The following CATSPER3 variants were observed in gnomAD, a reference collection of about 807,000 sequenced individuals.
CATSPER3 encodes the protein cation channel sperm associated 3.
CATSPER3 carries 23 observed loss-of-function variants against 36.6 expected under a neutral mutation model. The observed-to-expected ratio is 0.63, with a 90% CI of 0.45 to 0.89. The LOEUF (loss-of-function observed/expected upper bound fraction) is 0.89, where lower values mean the gene tolerates loss of function less well. CATSPER3 is among the 40% of genes least tolerant of loss of function. The pLI is 0.00. For missense variants in CATSPER3, 474 were observed against 503.9 expected, an observed-to-expected ratio of 0.94 and a Z score of 0.57; for synonymous variants, 172 against 184.1, an observed-to-expected ratio of 0.93 and a Z score of 0.53.
At chr5:134,985,166 G>C (rs1316750419) in intron 2 of CATSPER3, among the ~76,000 whole-genome samples, 1 of 152,018 alleles carries the variant, frequency 6.6e-6, no homozygotes, top group African/African-American at 2.4e-5. Context: ...TAAAGAATTG[G>C]TATCAACCTA....
intron 2 of CATSPER3, among the ~76,000 whole-genome samples, chr5:134,979,773 G>A (rs1407125277): frequency 6.6e-6 from 1 of 152,162 alleles, no homozygotes; most frequent in Non-Finnish European, 1.5e-5. Context: ...AAGACCTAAG[G>A]TCTCAAGATT....
chr5:134,968,591 T>A (rs1751562565), intron 1 of CATSPER3: 3 of 160,396 alleles, frequency 1.9e-5, no homozygotes, highest in Admixed American at 6.0e-5. Context: ...CTCAGGATGC[T>A]GAGGCAGGAG....
At chr5:135,010,565 G>A in intron 7 of CATSPER3, 35 bp downstream of exon 7, 1 of 1,606,794 alleles carries the variant, frequency 6.2e-7, no homozygotes, top group South Asian at 1.1e-5. Flanking sequence ...TGGTCCCTAG[G>A]GCTTCCTCGA....
chr5:135,011,523 T>C lies in CATSPER3; in HGVS notation c.1097T>C (p.Leu366Pro). 6.2e-7 allele frequency: 1 copy of C among 1,612,950 alleles called. No individual in the cohort carries two copies. The highest frequency in any genetic ancestry group is 8.5e-7 in the Non-Finnish European group (1 of 1,179,114). ...LDYQDTTVHK[L>P]QELYYEIVHV... ...TCTCCTCCTGCTCCATTTTTCAGGC[T>C]TCAAGAGCTGTACTATGAGATCGTG... is the stretch of plus-strand genomic sequence containing the variant. Residue 366 changes from leucine (L) to proline (P), a missense_variant and splice_region_variant, in exon 8 of 8, where the codon CTT (leucine) becomes CCT (proline). Transcript: ENST00000282611.
At chr5:134,979,625 C>T in intron 2 of CATSPER3, among the ~76,000 whole-genome samples, 1 of 152,134 alleles carries the variant, frequency 6.6e-6, no homozygotes, top group East Asian at 1.9e-4. Context: ...AAAGTTAAAG[C>T]AAACAACGGA....
At chr5:135,011,468 C>T (rs1192481151) in intron 7 of CATSPER3, 53 bp from the exon 8 acceptor site, 1 of 1,370,038 alleles carries the variant, frequency 7.3e-7, no homozygotes, top group East Asian at 2.4e-5. Context: ...GCCAGGGGGT[C>T]CTGGAGCCTG....
intron 2 of CATSPER3, among the ~76,000 whole-genome samples, chr5:134,990,507 C>T (rs1236344488): frequency 1.3e-5 from 2 of 152,192 alleles, no homozygotes; most frequent in African/African-American, 2.4e-5. Context: ...CAGTTCTCAG[C>T]TTGACTTCTC....
chr5:134,984,258 A>G (rs1477070161), intron 2 of CATSPER3, among the ~76,000 whole-genome samples: 2 of 152,212 alleles, frequency 1.3e-5, no homozygotes, highest in Non-Finnish European at 2.9e-5. Flanking sequence ...CCAAAAGCAA[A>G]TGCAACAAAA....
chr5:134,984,195 T>C (rs1449255556), intron 2 of CATSPER3, among the ~76,000 whole-genome samples: 1 of 152,100 alleles, frequency 6.6e-6, no homozygotes, highest in African/African-American at 2.4e-5. Context: ...GAAGGCAACC[T>C]GGGAAAAACT....
At chr5:134,994,040 G>C (rs780105324) in intron 2 of CATSPER3, among the ~76,000 whole-genome samples, 1 of 152,188 alleles carries the variant, frequency 6.6e-6, no homozygotes, top group East Asian at 1.9e-4. Flanking sequence ...CAGGAGAGTT[G>C]CTTGAACCTG....
intron 2 of CATSPER3, among the ~76,000 whole-genome samples, chr5:134,994,144 G>A (rs1185136313): frequency 1.3e-5 from 2 of 152,142 alleles, no homozygotes; most frequent in South Asian, 2.1e-4. Context: ...TATAAAAAAG[G>A]TGAAAAGTCA....
chr5:135,002,905 C>T (rs1390294463), intron 3 of CATSPER3, among the ~76,000 whole-genome samples: 1 of 152,206 alleles, frequency 6.6e-6, no homozygotes, highest in Admixed American at 6.5e-5. Flanking sequence ...CGAACATCCT[C>T]CTTTAGCTTG....
At chr5:134,973,521 G>C (rs55744787) in intron 2 of CATSPER3, among the ~76,000 whole-genome samples, 1 of 152,118 alleles carries the variant, frequency 6.6e-6, no homozygotes, top group African/African-American at 2.4e-5. Flanking sequence ...ACTTCTTTGA[G>C]AAATAACCAA....
At chr5:135,001,821 T>C (rs1367875230) in intron 3 of CATSPER3, among the ~76,000 whole-genome samples, 5 of 151,996 alleles carry the variant, frequency 3.3e-5, no homozygotes, top group Non-Finnish European at 7.4e-5. Flanking sequence ...CTTGGTAGAT[T>C]TTCCTCCATC....
At chr5:134,980,257 C>G (rs1179247168) in intron 2 of CATSPER3, among the ~76,000 whole-genome samples, 2 of 151,384 alleles carry the variant, frequency 1.3e-5, no homozygotes, top group African/African-American at 4.9e-5. Context: ...ACTGGGGTTA[C>G]AGGCATGAGC....
intron 3 of CATSPER3, among the ~76,000 whole-genome samples, chr5:135,000,647 G>C (rs1752009326): frequency 6.6e-6 from 1 of 152,118 alleles, no homozygotes; most frequent in African/African-American, 2.4e-5. Flanking sequence ...GTTTAGTCTT[G>C]GGAGGGTGTA....
At chr5:134,974,853 A>G (rs1019776367) in intron 2 of CATSPER3, among the ~76,000 whole-genome samples, 1 of 152,190 alleles carries the variant, frequency 6.6e-6, no homozygotes, top group Non-Finnish European at 1.5e-5. Context: ...CATGTTAGGT[A>G]TAGGACTTGG....
intron 2 of CATSPER3, among the ~76,000 whole-genome samples, chr5:134,972,643 G>A (rs896110621): frequency 2.6e-5 from 4 of 151,824 alleles, no homozygotes; most frequent in Non-Finnish European, 4.4e-5. Context: ...TCGAAGATGG[G>A]GAAAAAAAAA....
chr5:134,970,955 T>C (rs1751598174), intron 2 of CATSPER3, among the ~76,000 whole-genome samples: 1 of 151,606 alleles, frequency 6.6e-6, no homozygotes, highest in Non-Finnish European at 1.5e-5. Flanking sequence ...CTATCTCTCT[T>C]TTTTTTTGTT....
Sources: gnomAD v4.1 joint callset for allele counts (sites outside exome capture counted in the v4.1 genomes callset) on GRCh38, gnomAD v4.1.1 for gene constraint, MANE v1.5 for transcripts, NCBI Gene and HGNC (gene_info 2026-07-23, HGNC 2026-07-21) for gene names.